Variants in GSDMC observed in about 807,000 individuals in gnomAD.
The protein encoded by GSDMC is gasdermin-C.
Under a neutral mutation model 58.0 loss-of-function variants are expected in GSDMC, and 59 were observed. That is an observed-to-expected ratio of 1.02 (90% confidence interval 0.82 to 1.26). The LOEUF is 1.26. GSDMC is among the 50% of genes most tolerant of loss of function. GSDMC has a pLI of 0.00. For synonymous variants in GSDMC, 241 were observed against 220.2 expected (o/e 1.09, Z -0.83); for missense variants, 659 against 598.5 (o/e 1.10, Z -1.06).
chr8:129,742,280 C>CA, the GSDMC span, among the ~76,000 whole-genome samples: 2 of 151,714 alleles, frequency 1.3e-5, no homozygotes, highest in African/African-American at 4.8e-5. Flanking sequence ...TGCCCCATCA[C>CA]AAAAAATGAT....
At chr8:129,763,240 G>T (rs887165403) in intron 4 of GSDMC, among the ~76,000 whole-genome samples, 3 of 152,056 alleles carry the variant, frequency 2.0e-5, no homozygotes, top group Non-Finnish European at 4.4e-5. Flanking sequence ...CATTTTTATT[G>T]TACCTCTCAC....
At chr8:129,715,008 T>C in the GSDMC span, among the ~76,000 whole-genome samples, 2 of 152,222 alleles carry the variant, frequency 1.3e-5, no homozygotes, top group Non-Finnish European at 2.9e-5. Context: ...TAAAATGACC[T>C]GAATGATGGT....
At chr8:129,729,252 T>A in the GSDMC span, 1 of 631,306 alleles carries the variant, frequency 1.6e-6, no homozygotes, top group South Asian at 1.4e-5. Flanking sequence ...ATAGGTGGAC[T>A]TAGACATGTA....
rs200299608 is a variant in GSDMC, at chr8:129,749,532, G to A, written c.1214-7C>T. The A allele has an allele frequency of 1.1e-4, 176 of 1,610,100 alleles. No individual in the cohort carries two copies. Among genetic ancestry groups the A allele is most frequent in the Middle Eastern group, 3.3e-4 (2 of 6,084 alleles). On this transcript the variant is annotated splice_polypyrimidine_tract_variant and splice_region_variant and intron_variant, in intron 12 of 13. Coordinates refer to ENST00000276708, the MANE Select transcript of GSDMC (RefSeq NM_031415.3). ...TGTTGGAAGTCACTCAGCACTGAGG[G>A]TGGGGGACATGTGGGGAAAGACAGT...
the GSDMC span, among the ~76,000 whole-genome samples, chr8:129,735,005 C>A: frequency 0.32 from 49,332 of 152,012 alleles, 11,590 homozygotes; most frequent in African/African-American, 0.65. Flanking sequence ...GGGTTGCAAT[C>A]CTAGTCTCTG....
At chr8:129,747,992 T>C (rs986974188), downstream of GSDMC, among the ~76,000 whole-genome samples, 3 of 152,066 alleles carry the variant, frequency 2.0e-5, no homozygotes, top group African/African-American at 7.2e-5. Context: ...TGTGAAACAA[T>C]TTCGGACTCA....
intron 6 of GSDMC, among the ~76,000 whole-genome samples, chr8:129,760,125 AT>A (rs1310955238): frequency 6.6e-6 from 1 of 152,178 alleles, no homozygotes; most frequent in African/African-American, 2.4e-5. Flanking sequence ...AAACACAAAC[AT>A]TTTATGTTTT....
downstream of GSDMC, among the ~76,000 whole-genome samples, chr8:129,744,467 G>T (rs2032923649): frequency 6.6e-6 from 1 of 152,204 alleles, no homozygotes; most frequent in Non-Finnish European, 1.5e-5. Context: ...GAACAATATT[G>T]CCCAGGAAAT....
chr8:129,761,625 T>C (rs1403784992), intron 5 of GSDMC, among the ~76,000 whole-genome samples: 1 of 152,208 alleles, frequency 6.6e-6, no homozygotes, highest in Non-Finnish European at 1.5e-5. Context: ...TTCTTTTCCT[T>C]CTATGTTAAA....
downstream of GSDMC, among the ~76,000 whole-genome samples, chr8:129,747,945 C>T (rs1334639947): frequency 6.9e-6 from 1 of 145,212 alleles, no homozygotes; most frequent in Non-Finnish European, 1.6e-5. Context: ...GGAATATGCA[C>T]ATACACACAC....
At chr8:129,756,918 C>A (rs1488505423) in intron 6 of GSDMC, among the ~76,000 whole-genome samples, 1 of 151,744 alleles carries the variant, frequency 6.6e-6, no homozygotes, top group Non-Finnish European at 1.5e-5. Flanking sequence ...TACAAAGAGG[C>A]ATATTTATAG....
intron 3 of GSDMC, among the ~76,000 whole-genome samples, chr8:129,774,254 A>G (rs1307219394): frequency 1.3e-5 from 2 of 152,320 alleles, no homozygotes; most frequent in East Asian, 3.9e-4. Flanking sequence ...TCATATGTGT[A>G]TGATCAACTA....
the GSDMC span, among the ~76,000 whole-genome samples, chr8:129,735,820 A>G: frequency 6.6e-6 from 1 of 152,240 alleles, no homozygotes; most frequent in Non-Finnish European, 1.5e-5. Flanking sequence ...GCAGAACTAA[A>G]GGAGATAGAG....
chr8:129,741,823 A>T, the GSDMC span, among the ~76,000 whole-genome samples: 1,645 of 151,706 alleles, frequency 0.011, 23 homozygotes, highest in African/African-American at 0.038. Flanking sequence ...AGTTAGAGAA[A>T]TATCTGCACT....
At chr8:129,780,454 TG>T (rs1322806176) in intron 1 of GSDMC, among the ~76,000 whole-genome samples, 1 of 152,258 alleles carries the variant, frequency 6.6e-6, no homozygotes, top group East Asian at 1.9e-4. Context: ...GACTTTTCAC[TG>T]GAAACCTTAC....
At chr8:129,730,102 C>A in the GSDMC span, 2 of 984,650 alleles carry the variant, frequency 2.0e-6, no homozygotes, top group South Asian at 1.7e-5. Context: ...TCTTGTAACA[C>A]TATTCAGGTG....
intron 3 of GSDMC, among the ~76,000 whole-genome samples, chr8:129,775,011 C>A (rs1037342936): frequency 4.6e-5 from 7 of 152,102 alleles, no homozygotes; most frequent in Non-Finnish European, 8.8e-5. Flanking sequence ...TATGTTGGTT[C>A]TTCAAAAAAC....
At chr8:129,749,259 G>A (rs1332140274) in intron 13 of GSDMC, among the ~76,000 whole-genome samples, 193 bp downstream of exon 13, 1 of 152,092 alleles carries the variant, frequency 6.6e-6, no homozygotes, top group Admixed American at 6.5e-5. Context: ...AGACCCTCCT[G>A]AGGGAGGCTT....
chr8:129,749,637 CCCA>C, intron 12 of GSDMC, 112 bp from the exon 13 acceptor site: 1 of 810,670 alleles, frequency 1.2e-6, no homozygotes. Context: ...AGGAATAAAA[CCCA>C]TTAGACTTGA....
Sources: allele counts gnomAD v4.1 joint callset (sites outside exome capture counted in the v4.1 genomes callset), GRCh38; gene constraint gnomAD v4.1.1; transcripts MANE v1.5; gene names NCBI Gene and HGNC (gene_info 2026-07-23, HGNC 2026-07-21).